SSH2: variants seen among roughly 807,000 people sequenced by gnomAD.
The protein encoded by SSH2 is slingshot protein phosphatase 2, also known as protein phosphatase Slingshot homolog 2.
Under a neutral mutation model 135.2 loss-of-function variants are expected in SSH2, and 37 were observed. The ratio of observed to expected loss-of-function variants is 0.27; its 90% CI spans 0.21 to 0.36. The LOEUF (loss-of-function observed/expected upper bound fraction) is 0.36. Among genes scored for constraint, SSH2 ranks in the 10% least tolerant of loss-of-function variants. SSH2 has a pLI of 1.00. For missense variants in SSH2, 1,408 were observed against 1,765.3 expected (o/e 0.80, Z 3.63); for synonymous variants, 628 against 646.2 (o/e 0.97, Z 0.43).
chr17:29,893,036 C>A (rs1260079862), intron 1 of SSH2, among the ~76,000 whole-genome samples: 1 of 152,100 alleles, frequency 6.6e-6, no homozygotes, highest in Non-Finnish European at 1.5e-5. Context: ...AATTTACCTT[C>A]TAACCTGCTG....
intron 1 of SSH2, chr17:29,925,467 A>G (rs1397299757): frequency 1.3e-5 from 5 of 398,366 alleles, no homozygotes; most frequent in Admixed American, 4.4e-5. Context: ...TATAATCCCA[A>G]TTCTTTAGGA....
At chr17:29,775,524 C>T (rs146202972) in intron 3 of SSH2, among the ~76,000 whole-genome samples, 15 of 152,238 alleles carry the variant, frequency 9.9e-5, no homozygotes, top group African/African-American at 3.1e-4. Flanking sequence ...AAACATTTTT[C>T]TTTTAATCAG....
At chr17:29,804,002 A>G (rs1471486658) in intron 2 of SSH2, among the ~76,000 whole-genome samples, 1 of 152,212 alleles carries the variant, frequency 6.6e-6, no homozygotes, top group African/African-American at 2.4e-5. Flanking sequence ...AGGCTCAGAC[A>G]TGATCAAATC....
At chr17:29,873,771 C>T (rs1379119598) in intron 1 of SSH2, among the ~76,000 whole-genome samples, 1 of 152,082 alleles carries the variant, frequency 6.6e-6, no homozygotes, top group African/African-American at 2.4e-5. Flanking sequence ...AGTTTCCTTC[C>T]ATTTTCCATT....
chr17:29,713,619 T>C (rs1018131065), intron 3 of SSH2, among the ~76,000 whole-genome samples: 1 of 152,118 alleles, frequency 6.6e-6, no homozygotes. Context: ...AGATCTAAAA[T>C]AATTTTGACT....
intron 1 of SSH2, among the ~76,000 whole-genome samples, chr17:29,913,350 A>AAAAT (rs2066813780): frequency 3.2e-5 from 1 of 30,878 alleles, no homozygotes; most frequent in East Asian, 8.7e-4. Flanking sequence ...AAAAAAAAAT[A>AAAAT]TATATATATA....
At chr17:29,736,558 C>A (rs1314333640) in intron 3 of SSH2, among the ~76,000 whole-genome samples, 2 of 151,998 alleles carry the variant, frequency 1.3e-5, no homozygotes, top group South Asian at 4.2e-4. Context: ...GAGGCCAAGG[C>A]GGGTGGATCA....
chr17:29,718,557 C>A (rs2039706061), intron 3 of SSH2, among the ~76,000 whole-genome samples: 1 of 151,948 alleles, frequency 6.6e-6, no homozygotes, highest in South Asian at 2.1e-4. Flanking sequence ...CACGGTGAAA[C>A]CTTGTCTCTA....
intron 1 of SSH2, among the ~76,000 whole-genome samples, chr17:29,912,155 C>T (rs1013959157): frequency 2.6e-5 from 4 of 152,096 alleles, no homozygotes; most frequent in Admixed American, 6.5e-5. Flanking sequence ...ACCTTTTACC[C>T]CTTTCTGCAA....
At chr17:29,900,610 A>AT (rs2066533109) in intron 1 of SSH2, among the ~76,000 whole-genome samples, 1 of 152,242 alleles carries the variant, frequency 6.6e-6, no homozygotes, top group Non-Finnish European at 1.5e-5. Context: ...AATGATGATC[A>AT]TTAAAAAGTC....
intron 3 of SSH2, among the ~76,000 whole-genome samples, chr17:29,723,101 T>C (rs2151171016): frequency 6.6e-6 from 1 of 152,326 alleles, no homozygotes. Context: ...TACTTAGCTC[T>C]ATGCAAGATA....
chr17:29,701,246 C>T (rs2038965948), intron 4 of SSH2, among the ~76,000 whole-genome samples: 1 of 152,182 alleles, frequency 6.6e-6, no homozygotes, highest in Non-Finnish European at 1.5e-5. Flanking sequence ...GCCGGGATTA[C>T]AGGCGTGAGC....
At chr17:29,761,645 A>G (rs1208356764) in intron 3 of SSH2, among the ~76,000 whole-genome samples, 4 of 152,122 alleles carry the variant, frequency 2.6e-5, no homozygotes, top group Admixed American at 2.6e-4. Flanking sequence ...GGTGGACGAG[A>G]AAGGCTTGCA....
intron 3 of SSH2, among the ~76,000 whole-genome samples, chr17:29,712,703 C>G (rs1416475657): frequency 6.6e-6 from 1 of 152,174 alleles, no homozygotes; most frequent in Non-Finnish European, 1.5e-5. Context: ...ACTCGGAAGG[C>G]TGAGGCAGGA....
At chr17:29,893,303 G>T (rs1232334594) in intron 1 of SSH2, among the ~76,000 whole-genome samples, 1 of 152,006 alleles carries the variant, frequency 6.6e-6, no homozygotes, top group African/African-American at 2.4e-5. Flanking sequence ...AAAAGGGGGG[G>T]TGGGGGAGAA....
intron 1 of SSH2, chr17:29,883,165 A>C (rs1035904025): frequency 1.3e-5 from 2 of 152,192 alleles, no homozygotes; most frequent in Non-Finnish European, 2.9e-5. Flanking sequence ...ATGCTTAGTG[A>C]CAAGTTGAAT....
rs58190730 is a variant in SSH2, at chr17:29,709,015, T to TAGAGAG, written c.189-5959_189-5954dup. The stretch of plus-strand genomic sequence containing the variant: ...AGAAATATATATATATATATATATA[T>TAGAGAG]AGAGAGAGAGAGAGAGAGAGAGAGA... On this transcript the variant is annotated intron_variant, in intron 3 of 15. Coordinates refer to ENST00000540801, the MANE Select transcript of SSH2 (RefSeq NM_001282129.2). 1.0e-3 allele frequency among the ~76,000 whole-genome samples: 83 copies of TAGAGAG among 81,554 alleles called. 1 individual carries two copies. The highest frequency in any genetic ancestry group is 1.8e-3 in the East Asian group (4 of 2,204). 53.5% of individuals were successfully genotyped at this position (81,554 alleles called of 152,430 possible). A position where few individuals can be genotyped will look rare whatever the true frequency, so the allele number is the denominator to read the frequency against.
chr17:29,651,971 C>T (rs574790874), intron 12 of SSH2, among the ~76,000 whole-genome samples: 1 of 152,244 alleles, frequency 6.6e-6, no homozygotes, highest in South Asian at 2.1e-4. Flanking sequence ...GGTGAAACCC[C>T]GTATCTACTA....
intron 9 of SSH2, among the ~76,000 whole-genome samples, chr17:29,671,363 G>A (rs1221528927): frequency 6.6e-6 from 1 of 151,972 alleles, no homozygotes; most frequent in Non-Finnish European, 1.5e-5. Context: ...CATGCCTGTA[G>A]TCCCAGGTAC....
Sources: allele counts gnomAD v4.1 joint callset (sites outside exome capture counted in the v4.1 genomes callset), GRCh38; gene constraint gnomAD v4.1.1; transcripts MANE v1.5; gene names NCBI Gene and HGNC (gene_info 2026-07-23, HGNC 2026-07-21).